Variants in ROS1 observed in about 807,000 individuals in gnomAD.
ROS1 encodes ROS proto-oncogene 1, receptor tyrosine kinase.
A neutral mutation model predicts 273.5 loss-of-function variants in ROS1; 263 were observed. That is an observed-to-expected ratio of 0.96 (90% CI 0.87 to 1.06). The LOEUF is 1.06. ROS1 is among the 50% of genes least tolerant of loss of function. The pLI is 0.00. For missense variants in ROS1, 2,833 were observed against 2,751.1 expected, an observed-to-expected ratio of 1.03 and a Z score of -0.67; for synonymous variants, 1,008 against 954.1, an observed-to-expected ratio of 1.06 and a Z score of -1.04.
At chr6:117,415,212 G>T (rs1325139014) in intron 3 of ROS1, among the ~76,000 whole-genome samples, 1 of 152,206 alleles carries the variant, frequency 6.6e-6, no homozygotes, top group Non-Finnish European at 1.5e-5. Flanking sequence ...GATAGCACAT[G>T]CTGTACCTTT....
intron 2 of ROS1, 41 bp downstream of exon 2, chr6:117,418,421 C>T (rs1436174049): frequency 7.0e-7 from 1 of 1,424,226 alleles, no homozygotes; most frequent in Non-Finnish European, 9.8e-7. Context: ...ATTATCAACA[C>T]AAACATTGTA....
chr6:117,345,929 A>G (rs549532048), intron 27 of ROS1, among the ~76,000 whole-genome samples: 1 of 152,336 alleles, frequency 6.6e-6, no homozygotes, highest in East Asian at 1.9e-4. Flanking sequence ...TTAGAAGTAC[A>G]TCGAAAATCT....
intron 2 of ROS1, among the ~76,000 whole-genome samples, chr6:117,417,181 G>T (rs1177207838): frequency 6.6e-6 from 1 of 152,066 alleles, no homozygotes; most frequent in Non-Finnish European, 1.5e-5. Flanking sequence ...CTCCATTTAA[G>T]TTCCTACAAG....
intron 39 of ROS1, among the ~76,000 whole-genome samples, chr6:117,313,764 G>C (rs896597146): frequency 6.6e-6 from 1 of 152,114 alleles, no homozygotes; most frequent in African/African-American, 2.4e-5. Context: ...GGCCTCTGCT[G>C]GTTCTTCTGA....
At chr6:117,387,280 A>AT (rs1310325814) in intron 14 of ROS1, among the ~76,000 whole-genome samples, 1 of 152,150 alleles carries the variant, frequency 6.6e-6, no homozygotes, top group South Asian at 2.1e-4. Flanking sequence ...TCATTGCAGA[A>AT]TTTTTTTTGA....
chr6:117,413,218 T>C (rs1582890832), intron 4 of ROS1, among the ~76,000 whole-genome samples: 1 of 152,252 alleles, frequency 6.6e-6, no homozygotes, highest in African/African-American at 2.4e-5. Context: ...CCCAGGCTTC[T>C]GGTTACCAGT....
In ROS1 at chr6:117,288,082, CT is replaced by C. The variant is rs1469761298; in HGVS notation, c.*409del. ...ATTATCTGTAGTTCAGTTGACCCCC[CT>C]GAGCCTACTCCTTAGCCTCTTCTTT... is the stretch of plus-strand genomic sequence containing the variant. On this transcript the variant is annotated 3_prime_UTR_variant, in exon 44 of 44. Coordinates refer to ENST00000368507, the MANE Select transcript of ROS1 (RefSeq NM_001378902.1). Among the ~76,000 whole-genome samples, 1 of 152,152 alleles carries C rather than the reference CT, an allele frequency of 6.6e-6. No homozygotes were observed. Among genetic ancestry groups the C allele is most frequent in the Non-Finnish European group, 1.5e-5 (1 of 68,026 alleles).
chr6:117,385,795 A>C lies in ROS1; in HGVS notation c.2177T>G (p.Leu726Arg). 6.2e-7 allele frequency: 1 copy of C among 1,614,196 alleles called. No homozygotes were observed. The highest frequency in any genetic ancestry group is 8.5e-7 in the Non-Finnish European group (1 of 1,180,040). Residue 726 changes from leucine to arginine, a missense_variant, in exon 16 of 44, where the codon CTG becomes CGG. Physicochemically the swap from Leu to Arg is moderately radical, Grantham distance 102. Transcript: ENST00000368507. ...ATTCTCTGAGATATCCGTCCCATTCAGCAGCCACACAAAAACGTCGCCTTT... is the reference window on the plus strand; with the variant it reads ...ATTCTCTGAGATATCCGTCCCATTCCGCAGCCACACAAAAACGTCGCCTTT... ...DTKGDVFVWL[L>R]NGTDISENYH... is the part of the protein sequence containing the mutation.
At position 117,387,762 on chromosome 6, in the gene ROS1, T is replaced by C; in HGVS notation, c.1999+18A>G. ...CTTTTTGTGAGAGTCACTCCCTAAA[T>C]CCAGAACATTTTCTCACCTGGCACC... On this transcript the variant is annotated intron_variant, in intron 14 of 43. Transcript: ENST00000368507. 6.2e-7 allele frequency: 1 copy of C among 1,607,238 alleles called. No individual in the cohort carries two copies. Among genetic ancestry groups the C allele is most frequent in the Non-Finnish European group, 8.5e-7 (1 of 1,177,452 alleles).
chr6:117,386,588 C>T (rs539971876), intron 15 of ROS1, among the ~76,000 whole-genome samples: 1 of 152,340 alleles, frequency 6.6e-6, no homozygotes, highest in East Asian at 1.9e-4. Flanking sequence ...CTTAGTGGAA[C>T]AAGATAGGCT....
chr6:117,390,641 G>T (rs1386032600), intron 12 of ROS1, among the ~76,000 whole-genome samples: 3 of 152,160 alleles, frequency 2.0e-5, no homozygotes, highest in Admixed American at 1.3e-4. Flanking sequence ...GCTATAACTA[G>T]CATGGCTACT....
At chr6:117,398,749 C>A (rs568801869) in intron 7 of ROS1, among the ~76,000 whole-genome samples, 1 of 149,346 alleles carries the variant, frequency 6.7e-6, no homozygotes, top group Non-Finnish European at 1.5e-5. Context: ...CCGAGGCGGG[C>A]GGATCACGAG....
intron 42 of ROS1, among the ~76,000 whole-genome samples, chr6:117,302,840 G>A (rs955695536): frequency 6.6e-6 from 1 of 152,124 alleles, no homozygotes; most frequent in South Asian, 2.1e-4. Context: ...TCCCAAACTA[G>A]GGGTGACTGA....
At position 117,321,330 on chromosome 6, in the gene ROS1, T is replaced by G. The variant is rs1354382723; in HGVS notation, c.5688A>C (p.Glu1896Asp). 2 of 1,613,806 alleles carry G rather than the reference T, an allele frequency of 1.2e-6. No individual in the cohort carries two copies. The highest frequency in any genetic ancestry group is 1.7e-6 in the Non-Finnish European group (2 of 1,179,832). ...CTCGCAGCTCAGCCAACTCTTTGTC[T>G]TCGTTTATAAGCACTGTCACCCCTT... ...AKEGVTVLIN[E>D]DKELAELRGL... The change falls in exon 36 of 44, where the codon GAA becomes GAC. Residue 1896 changes from glutamate to aspartate, a missense_variant. By Grantham distance (45) the Glu-to-Asp change is conservative. Coordinates refer to ENST00000368507, the MANE Select transcript of ROS1 (RefSeq NM_001378902.1).
At chr6:117,321,440 CT>C (rs1372087475) in intron 35 of ROS1, 46 bp from the exon 36 acceptor site, 1 of 1,514,212 alleles carries the variant, frequency 6.6e-7, no homozygotes, top group East Asian at 2.3e-5. Flanking sequence ...AATATTGCTT[CT>C]TTTTTCCTTT....
At chr6:117,337,078 A>G (rs2128616204) in intron 32 of ROS1, 94 bp downstream of exon 32, 1 of 1,008,104 alleles carries the variant, frequency 9.9e-7, no homozygotes, top group East Asian at 2.6e-5. Context: ...GCTTTTAAAG[A>G]ACAATTTCAT....
At chr6:117,350,933 T>C (rs557250747) in intron 27 of ROS1, among the ~76,000 whole-genome samples, 6 of 152,328 alleles carry the variant, frequency 3.9e-5, no homozygotes, top group Admixed American at 3.9e-4. Flanking sequence ...ATATTAATCA[T>C]AGTTGTTTTA....
At chr6:117,405,545 C>A (rs3798391) in intron 5 of ROS1, among the ~76,000 whole-genome samples, 2 of 151,804 alleles carry the variant, frequency 1.3e-5, no homozygotes, top group Non-Finnish European at 2.9e-5. Flanking sequence ...GAAAAATAAC[C>A]AGGAGGCATC....
chr6:117,338,695 C>T (rs1313121625), intron 31 of ROS1, among the ~76,000 whole-genome samples: 1 of 152,046 alleles, frequency 6.6e-6, no homozygotes, highest in Non-Finnish European at 1.5e-5. Flanking sequence ...CCAAGCTTAC[C>T]GCTGGAAAAT....
Sources: allele counts gnomAD v4.1 joint callset (sites outside exome capture counted in the v4.1 genomes callset), GRCh38; gene constraint gnomAD v4.1.1; transcripts MANE v1.5; gene names NCBI Gene and HGNC (gene_info 2026-07-23, HGNC 2026-07-21).